Variants in PCDH7 observed in about 807,000 individuals in gnomAD.
The protein encoded by PCDH7 is protocadherin 7.
PCDH7 carries 17 observed loss-of-function variants against 58.9 expected under a neutral mutation model. The observed-to-expected ratio is 0.29, with a 90% CI of 0.20 to 0.43. The LOEUF (loss-of-function observed/expected upper bound fraction) is 0.43, where lower values mean the gene tolerates loss of function less well. Ranked by LOEUF, PCDH7 falls within the 20% of genes least tolerant of loss-of-function variation. The pLI is 1.00. For synonymous variants in PCDH7, 664 were observed against 616.4 expected, an observed-to-expected ratio of 1.08 and a Z score of -1.14; for missense variants, 1,274 against 1,441.0, an observed-to-expected ratio of 0.88 and a Z score of 1.88.
intron 1 of PCDH7, among the ~76,000 whole-genome samples, chr4:30,917,077 T>C (rs1180575619): frequency 6.6e-6 from 1 of 152,204 alleles, no homozygotes; most frequent in Admixed American, 6.5e-5. Flanking sequence ...CTGCTTTACA[T>C]TTCTGCTTTA....
intron 3 of PCDH7, among the ~76,000 whole-genome samples, chr4:31,055,828 C>T (rs1279666051): frequency 7.9e-5 from 12 of 152,018 alleles, no homozygotes; most frequent in Non-Finnish European, 1.3e-4. Flanking sequence ...CCACCCACCT[C>T]GGCCTCCCAA....
At position 30,721,683 on chromosome 4, in the gene PCDH7, C is replaced by A. The variant is rs766744645; in HGVS notation, c.261C>A (p.Ser87Arg). 10 of 1,613,960 alleles carry A rather than the reference C, an allele frequency of 6.2e-6. No homozygotes were observed. The highest frequency in any genetic ancestry group is 1.3e-5 in the African/African-American group (1 of 75,058). Residue 87 changes from serine (S) to arginine (R), a missense_variant, in exon 1 of 2, where the codon AGC (serine) becomes AGA (arginine). Coordinates refer to ENST00000361762, the Ensembl canonical transcript of PCDH7. This position sits in a 1 kb window ranked among gnomAD's most constrained non-coding sequence, Gnocchi z 6.7. Reference sequence around the variant, plus strand: ...ACCTCACTGGCGAGCTGAGCACGAGCGAGCGGCGCATCGACCGCGAGAAGC... The same window carrying A: ...ACCTCACTGGCGAGCTGAGCACGAGAGAGCGGCGCATCGACCGCGAGAAGC...
At position 31,136,611 on chromosome 4, in the gene PCDH7, A is replaced by C. The variant is rs559036416; in HGVS notation, c.*8-5862A>C. Among the ~76,000 whole-genome samples, 45 of 152,292 alleles carry C rather than the reference A, an allele frequency of 3.0e-4. No individual in the cohort carries two copies. The South Asian group carries it at 8.7e-3, about 29-fold the overall frequency. On this transcript the variant is annotated intron_variant, in intron 3 of 3. Coordinates refer to the PCDH7 transcript ENST00000509759. ...TAATGGCCTTTTTGTGGCCAGAGTGACACTTACTTAGATAACTATAAATTT... is the reference window on the plus strand; with the variant it reads ...TAATGGCCTTTTTGTGGCCAGAGTGCCACTTACTTAGATAACTATAAATTT...
rs1714305793 is a variant in PCDH7 at position 31,097,635 on chromosome 4, T to TATAA, written c.*8-44835_*8-44832dup. 9.2e-4 allele frequency among the ~76,000 whole-genome samples: 42 copies of TATAA among 45,706 alleles called. 1 individual carries two copies. The highest frequency in any genetic ancestry group is 1.3e-3 in the Non-Finnish European group (36 of 27,058). The allele number at this position is 45,706 out of a possible 152,430, so 30.0% of individuals were successfully genotyped here. ...ATATATATATATATATATATATATA[T>TATAA]ATAAATCTTTTTTCTGTAATTTCTG... On this transcript the variant is annotated intron_variant, in intron 3 of 3. Coordinates refer to the PCDH7 transcript ENST00000509759.
At chr4:30,890,827 G>A (rs1002119432) in intron 1 of PCDH7, among the ~76,000 whole-genome samples, 1 of 152,046 alleles carries the variant, frequency 6.6e-6, no homozygotes, top group Non-Finnish European at 1.5e-5. Context: ...AATTATATCA[G>A]TAATGATTTC....
chr4:30,915,627 G>A (rs1305597558), intron 1 of PCDH7, among the ~76,000 whole-genome samples: 2 of 151,952 alleles, frequency 1.3e-5, no homozygotes, highest in Non-Finnish European at 2.9e-5. Flanking sequence ...GGGTTCAAGC[G>A]ATTCTCCTGC....
intron 3 of PCDH7, among the ~76,000 whole-genome samples, chr4:31,082,165 A>T (rs910989058): frequency 5.9e-5 from 9 of 152,202 alleles, no homozygotes; most frequent in Admixed American, 2.0e-4. Context: ...AATGTACTGG[A>T]CTGCCTTTGT....
At chr4:30,846,006 G>T (rs1158138816) in intron 1 of PCDH7, among the ~76,000 whole-genome samples, 1 of 152,032 alleles carries the variant, frequency 6.6e-6, no homozygotes, top group Non-Finnish European at 1.5e-5. Context: ...TGGAATTATT[G>T]GTAGTCTAAT....
intron 1 of PCDH7, among the ~76,000 whole-genome samples, chr4:30,889,018 A>C (rs1738225600): frequency 6.6e-6 from 1 of 151,782 alleles, no homozygotes; most frequent in Non-Finnish European, 1.5e-5. Context: ...TCATCCCTAC[A>C]ACAAATTAAA....
At chr4:30,739,157 AT>A (rs1186699549) in intron 1 of PCDH7, among the ~76,000 whole-genome samples, 1 of 145,984 alleles carries the variant, frequency 6.9e-6, no homozygotes, top group Non-Finnish European at 1.5e-5. Context: ...TTTTATATAT[AT>A]ATTATATATA....
At chr4:30,795,006 C>T (rs1157206156) in intron 1 of PCDH7, among the ~76,000 whole-genome samples, 1 of 152,030 alleles carries the variant, frequency 6.6e-6, no homozygotes, top group South Asian at 2.1e-4. Flanking sequence ...TATTTTTCCT[C>T]CCTCTTGGAT....
intron 1 of PCDH7, among the ~76,000 whole-genome samples, chr4:30,873,533 T>C (rs142729661): frequency 1.5e-4 from 17 of 113,606 alleles, no homozygotes; most frequent in African/African-American, 5.8e-4. Context: ...AATGAGAAAT[T>C]TTGCAGAGAA....
intron 3 of PCDH7, among the ~76,000 whole-genome samples, chr4:31,042,785 G>A (rs555748106): frequency 6.6e-6 from 1 of 152,264 alleles, no homozygotes; most frequent in East Asian, 1.9e-4. Flanking sequence ...AGGAATTACT[G>A]TAAAGTTTGA....
chr4:30,878,763 T>G (rs1444335479), intron 1 of PCDH7, among the ~76,000 whole-genome samples: 2 of 151,960 alleles, frequency 1.3e-5, no homozygotes, highest in African/African-American at 4.8e-5. Context: ...GGCAGGAAAA[T>G]CGCTTGAACC....
rs377372623 is a variant in PCDH7 at position 30,813,638 on chromosome 4, CTTTAT to C, written c.70+89047_70+89051del. On this transcript the variant is annotated intron_variant, in intron 1 of 3. Transcript: ENST00000509759. Reference sequence around the variant, plus strand: ...ATGTCACTGGGTCCACAGAAGCTTACTTTATTTTAATTTATCTTTTGAGATGGAGT... The same window carrying C: ...ATGTCACTGGGTCCACAGAAGCTTACTTTAATTTATCTTTTGAGATGGAGT... Among the ~76,000 whole-genome samples the C allele has an allele frequency of 1.6e-4, 25 of 152,230 alleles. No homozygotes were observed. The South Asian group carries it at 5.2e-3, about 32-fold the overall frequency.
At chr4:30,883,089 G>A (rs1737210187) in intron 1 of PCDH7, among the ~76,000 whole-genome samples, 1 of 152,146 alleles carries the variant, frequency 6.6e-6, no homozygotes, top group African/African-American at 2.4e-5. Context: ...GCACACATGT[G>A]CACGGGCACA....
chr4:31,093,903 T>C (rs929743346), intron 3 of PCDH7, among the ~76,000 whole-genome samples: 1 of 152,140 alleles, frequency 6.6e-6, no homozygotes, highest in South Asian at 2.1e-4. Context: ...TTTTTATCAG[T>C]GTAGTGTGAG....
intron 1 of PCDH7, among the ~76,000 whole-genome samples, chr4:30,866,554 T>G (rs2109358479): frequency 6.6e-6 from 1 of 152,228 alleles, no homozygotes; most frequent in Non-Finnish European, 1.5e-5. Context: ...CTCCAGTTTC[T>G]AACTTTTCTG....
At chr4:30,887,126 TATA>T (rs1264129431) in intron 1 of PCDH7, among the ~76,000 whole-genome samples, 4 of 152,050 alleles carry the variant, frequency 2.6e-5, no homozygotes, top group African/African-American at 7.2e-5. Flanking sequence ...AAACTTAAAG[TATA>T]ATAATAATAA....
Sources: allele counts gnomAD v4.1 joint callset (sites outside exome capture counted in the v4.1 genomes callset), GRCh38; gene constraint gnomAD v4.1.1; non-coding constraint Gnocchi (gnomAD v3.1); transcripts MANE v1.5; gene names NCBI Gene and HGNC (gene_info 2026-07-23, HGNC 2026-07-21).